Variants in SKI observed in about 807,000 individuals in gnomAD.
SKI encodes the protein SKI proto-oncogene, also known as ski oncogene.
A neutral mutation model predicts 59.3 loss-of-function variants in SKI; 23 were observed. The observed-to-expected ratio is 0.39, with a 90% CI of 0.28 to 0.55. The LOEUF (loss-of-function observed/expected upper bound fraction) is 0.55. Ranked by LOEUF, SKI falls within the 20% of genes least tolerant of loss-of-function variation. The pLI is 0.67. For missense variants in SKI, 1,017 were observed against 1,038.9 expected (o/e 0.98, Z 0.29); for synonymous variants, 673 against 488.6 (o/e 1.38, Z -4.98).
In SKI at chr1:2,304,054, G is replaced by A. The variant is rs1553200926; in HGVS notation, c.1426G>A (p.Glu476Lys). ...ETLAPVAAPE[E>K]DKDSEAEVEV... ...GCTGGCGCCCGTGGCTGCCCCAGAG[G>A]AGGACAAGGACTCGGAGGCGGAGGT... is the stretch of plus-strand genomic sequence containing the variant. Residue 476 changes from glutamate (E) to lysine (K), a missense_variant, in exon 4 of 7, where the codon GAG becomes AAG. Transcript: ENST00000378536. The A allele has an allele frequency of 6.2e-7, 1 of 1,612,654 alleles. No individual in the cohort carries two copies. Among genetic ancestry groups the A allele is most frequent in the Non-Finnish European group, 8.5e-7 (1 of 1,179,938 alleles).
chr1:2,304,626 C>T (rs764847661), intron 5 of SKI, 41 bp downstream of exon 5: 5 of 1,517,200 alleles, frequency 3.3e-6, no homozygotes, highest in Non-Finnish European at 4.4e-6. Flanking sequence ...AGGGCACGGG[C>T]AGTGAGCACA....
In SKI at chr1:2,309,978, T is replaced by C. The variant is rs1287373763; in HGVS notation, c.*3213T>C. On this transcript the variant is annotated 3_prime_UTR_variant, in exon 7 of 7. Coordinates refer to ENST00000378536, the MANE Select transcript of SKI (RefSeq NM_003036.4). ...AAGGAAAAAGCTCCATCTCTACCTT[T>C]AACATCACCCAGACCCCCGCCCCTG... 2 of 145,944 alleles carry C rather than the reference T, an allele frequency of 1.4e-5. No individual in the cohort carries two copies. The highest frequency in any genetic ancestry group is 1.5e-5 in the Non-Finnish European group (1 of 66,744). 9.0% of individuals were successfully genotyped at this position (145,944 alleles called of 1,614,324 possible).
chr1:2,261,516 G>A (rs759207699), intron 1 of SKI, among the ~76,000 whole-genome samples: 3 of 152,130 alleles, frequency 2.0e-5, no homozygotes, highest in Non-Finnish European at 4.4e-5. Flanking sequence ...TTTTTTCTTG[G>A]TCTTGTAAAT....
intron 1 of SKI, among the ~76,000 whole-genome samples, chr1:2,285,237 T>G (rs1224339974): frequency 6.6e-6 from 1 of 152,090 alleles, no homozygotes; most frequent in Non-Finnish European, 1.5e-5. Flanking sequence ...TCCAGGCCGG[T>G]CGCAGTGGCT....
intron 1 of SKI, among the ~76,000 whole-genome samples, chr1:2,279,459 G>A (rs1300678124): frequency 2.6e-5 from 4 of 152,168 alleles, no homozygotes; most frequent in African/African-American, 9.7e-5. Flanking sequence ...GCCTGTTCCC[G>A]CCCATCCCTC....
chr1:2,240,560 C>A (rs1638848275), intron 1 of SKI: 3 of 985,370 alleles, frequency 3.0e-6, no homozygotes, highest in Non-Finnish European at 3.6e-6. Flanking sequence ...CTTCCTGGGG[C>A]CATCGAGGCT....
intron 1 of SKI, among the ~76,000 whole-genome samples, chr1:2,296,239 C>A (rs868725791): frequency 2.5e-4 from 37 of 148,568 alleles, no homozygotes; most frequent in Non-Finnish European, 4.0e-4. Flanking sequence ...AAAAAAAAAA[C>A]AAAAAATTAG....
chr1:2,236,843 CCAGCTCT>C (rs2100802271), intron 1 of SKI, among the ~76,000 whole-genome samples: 1 of 152,312 alleles, frequency 6.6e-6, no homozygotes, highest in East Asian at 1.9e-4. Context: ...GATGCTCCTC[CCAGCTCT>C]CAGCCCTGCC....
intron 1 of SKI, among the ~76,000 whole-genome samples, chr1:2,280,650 GACACCCGAGAAGACAGGCGGCGGCGGCGA>G (rs1639858373): frequency 7.6e-6 from 1 of 132,102 alleles, no homozygotes; most frequent in African/African-American, 2.9e-5. Flanking sequence ...TCAGAGAGAG[GACACCCGAGAAGACAGGCGGCGGCGGCGA>G]TCTTCAGAGA....
rs1569807075 is a variant in SKI, at chr1:2,282,139, GCGGAGA to G, written c.970-20838_970-20833del. Among the ~76,000 whole-genome samples the G allele has an allele frequency of 3.1e-4, 22 of 70,782 alleles. 1 individual carries two copies. Among genetic ancestry groups the G allele is most frequent in the South Asian group, 2.0e-3 (4 of 1,956 alleles). The allele number at this position is 70,782 out of a possible 152,430, so 46.4% of individuals were successfully genotyped here. On this transcript the variant is annotated intron_variant, in intron 1 of 6. Coordinates refer to ENST00000378536, the MANE Select transcript of SKI (RefSeq NM_003036.4). Reference sequence around the variant, plus strand: ...GAGATGCCCGAGAAGACAGGCGGTGGCGGAGATCTTCAGAGAGAGGACGCCCGAGAA... The same window carrying G: ...GAGATGCCCGAGAAGACAGGCGGTGGTCTTCAGAGAGAGGACGCCCGAGAA...
chr1:2,254,733 C>T (rs61329978), intron 1 of SKI, among the ~76,000 whole-genome samples: 9 of 150,854 alleles, frequency 6.0e-5, no homozygotes, highest in African/African-American at 1.9e-4. Flanking sequence ...TCACTGCGTG[C>T]GTGTGTGTGT....
intron 1 of SKI, among the ~76,000 whole-genome samples, chr1:2,288,508 G>A (rs904499030): frequency 1.1e-4 from 16 of 152,250 alleles, no homozygotes; most frequent in African/African-American, 2.7e-4. Flanking sequence ...GGTTGTCGTC[G>A]TTTCCTGTGG....
At chr1:2,291,990 A>G (rs1257946053) in intron 1 of SKI, among the ~76,000 whole-genome samples, 1 of 152,258 alleles carries the variant, frequency 6.6e-6, no homozygotes. Flanking sequence ...ATGAAAAGTG[A>G]ATTATCATGT....
At chr1:2,272,752 G>A (rs1639652943) in intron 1 of SKI, among the ~76,000 whole-genome samples, 1 of 152,298 alleles carries the variant, frequency 6.6e-6, no homozygotes, top group Admixed American at 6.5e-5. Context: ...GCGTGTTGGA[G>A]TCTGGTTCCC....
Position 2,306,999 on chromosome 1 carries a change from A to T in SKI, c.*234A>T, listed in dbSNP as rs1640607829. 3.2e-6 allele frequency: 1 copy of T among 309,058 alleles called. No homozygotes were observed. The highest frequency in any genetic ancestry group is 5.2e-5 in the Admixed American group (1 of 19,138). 19.1% of individuals were successfully genotyped at this position (309,058 alleles called of 1,614,324 possible). On this transcript the variant is annotated 3_prime_UTR_variant, in exon 7 of 7. Coordinates refer to ENST00000378536, the MANE Select transcript of SKI (RefSeq NM_003036.4). The stretch of plus-strand genomic sequence containing the variant: ...CCCAACTACAGCTGGAGACGGGGCC[A>T]GCTCGGCGGCCTGCTGGTCCTCTGC...
rs1285131836 is a variant in SKI, at chr1:2,304,390, C to T, written c.1572C>T (p.Ala524=). The part of the protein sequence containing the change: ...GSPGARALPS[A]VPDAAAPADA... ...CGGGTGCGCGTGCCCTGCCCTCGGC[C>T]GTCCCTGATGCTGCGGCCCCTGCCG... The change falls in exon 5 of 7, where the codon GCC becomes GCT. Residue 524 remains alanine (A), a synonymous_variant. Coordinates refer to ENST00000378536, the MANE Select transcript of SKI (RefSeq NM_003036.4). 13 of 1,552,196 alleles carry T rather than the reference C, an allele frequency of 8.4e-6. No individual in the cohort carries two copies. The highest frequency in any genetic ancestry group is 1.0e-5 in the Non-Finnish European group (12 of 1,147,764).
At chr1:2,232,898 G>T (rs1296950862) in intron 1 of SKI, among the ~76,000 whole-genome samples, 1 of 152,192 alleles carries the variant, frequency 6.6e-6, no homozygotes, top group East Asian at 1.9e-4. Flanking sequence ...GCCAAGACTG[G>T]AGCCTCTGAG....
chr1:2,258,795 C>T (rs965987725), intron 1 of SKI, among the ~76,000 whole-genome samples: 1 of 152,164 alleles, frequency 6.6e-6, no homozygotes, highest in African/African-American at 2.4e-5. Context: ...GAGCTACCCA[C>T]CTTGGCCTCC....
chr1:2,298,251 C>T (rs765668232), intron 1 of SKI, among the ~76,000 whole-genome samples: 8 of 152,166 alleles, frequency 5.3e-5, no homozygotes, highest in East Asian at 3.9e-4. Context: ...ACTGGGGTCC[C>T]GGGGTGACTG....
Sources: allele counts gnomAD v4.1 joint callset (sites outside exome capture counted in the v4.1 genomes callset), GRCh38; gene constraint gnomAD v4.1.1; transcripts MANE v1.5; gene names NCBI Gene and HGNC (gene_info 2026-07-23, HGNC 2026-07-21).